CDK5RAP2: variants seen among roughly 807,000 people sequenced by gnomAD.
CDK5RAP2 encodes CDK5 regulatory subunit-associated protein 2.
Under a neutral mutation model 232.9 loss-of-function variants are expected in CDK5RAP2, and 147 were observed. That is an observed-to-expected ratio of 0.63 (90% confidence interval 0.55 to 0.72). The LOEUF is 0.72. CDK5RAP2 is among the 30% of genes least tolerant of loss of function. The pLI, the probability that CDK5RAP2 is intolerant of heterozygous loss-of-function variation, is 0.00. For missense variants in CDK5RAP2, 2,195 were observed against 2,231.5 expected (o/e 0.98, Z 0.33); for synonymous variants, 833 against 833.7 (o/e 1.00, Z 0.01).
chr9:120,448,015 A>T lies in CDK5RAP2; in HGVS notation c.2905T>A (p.Leu969Met). 6.2e-7 allele frequency: 1 copy of T among 1,613,968 alleles called. No homozygotes were observed. Among genetic ancestry groups the T allele is most frequent in the Middle Eastern group, 1.6e-4 (1 of 6,062 alleles). ...EVVTQLQSQI[L>M]ELQGELKEFK... ...TCCTTCAGCTCCCCCTGCAGCTCCA[A>T]GATCTGGCTCTGCAGCTGCGTCACC... Residue 969 changes from leucine (L) to methionine (M), a missense_variant, in exon 22 of 38, where the codon TTG (leucine) becomes ATG (methionine). Coordinates refer to ENST00000349780, the MANE Select transcript of CDK5RAP2 (RefSeq NM_018249.6).
At chr9:120,561,491 G>A (rs1056281042) in intron 3 of CDK5RAP2, among the ~76,000 whole-genome samples, 5 of 151,760 alleles carry the variant, frequency 3.3e-5, no homozygotes, top group African/African-American at 1.2e-4. Context: ...GTAGAAATGG[G>A]GTCTCACTTT....
intron 4 of CDK5RAP2, 43 bp downstream of exon 4, chr9:120,550,749 G>A: frequency 9.2e-7 from 1 of 1,083,938 alleles, no homozygotes; most frequent in Non-Finnish European, 1.4e-6. Context: ...AAATGACAAT[G>A]AGAAAGGACA....
intron 5 of CDK5RAP2, 150 bp from the exon 6 acceptor site, chr9:120,539,314 A>G: frequency 1.0e-6 from 1 of 985,082 alleles, no homozygotes; most frequent in Non-Finnish European, 1.5e-6. Flanking sequence ...TTATCATTTA[A>G]AAACACAGAT....
chr9:120,434,305 C>G (rs2035448540), intron 25 of CDK5RAP2, among the ~76,000 whole-genome samples: 1 of 152,096 alleles, frequency 6.6e-6, no homozygotes, highest in Non-Finnish European at 1.5e-5. Context: ...GCTAGAAAAA[C>G]TGCAGGGTCA....
At chr9:120,482,663 C>G (rs1358499690) in intron 14 of CDK5RAP2, among the ~76,000 whole-genome samples, 2 of 152,208 alleles carry the variant, frequency 1.3e-5, no homozygotes, top group African/African-American at 2.4e-5. Context: ...TCCTGGCAAG[C>G]AGCAGTGTCC....
At chr9:120,519,827 T>A (rs1588550805) in intron 11 of CDK5RAP2, among the ~76,000 whole-genome samples, 1 of 152,216 alleles carries the variant, frequency 6.6e-6, no homozygotes, top group African/African-American at 2.4e-5. Context: ...AGAGATTCTC[T>A]CTGTTATTTA....
chr9:120,491,381 T>C lies in CDK5RAP2; in HGVS notation c.1408A>G (p.Lys470Glu), dbSNP rs751318546. The C allele has an allele frequency of 6.2e-7, 1 of 1,612,926 alleles. No individual in the cohort carries two copies. Among genetic ancestry groups the C allele is most frequent in the South Asian group, 1.1e-5 (1 of 91,014 alleles). ...RYKSLLSESN[K>E]KLHNQEQVIK... is the part of the protein sequence containing the mutation. Reference sequence around the variant, plus strand: ...ACTTGCTCTTGATTGTGCAATTTTTTATTGCTTTCACTCAGAAGACTCTTG... The same window carrying C: ...ACTTGCTCTTGATTGTGCAATTTTTCATTGCTTTCACTCAGAAGACTCTTG... Residue 470 changes from lysine to glutamate, a missense_variant, in exon 13 of 38, where the codon AAA becomes GAA. Lys to Glu is a moderately conservative substitution (Grantham distance 56, BLOSUM62 1). Transcript: ENST00000349780.
chr9:120,408,619 A>C, intron 30 of CDK5RAP2, 151 bp from the exon 31 acceptor site: 2 of 882,428 alleles, frequency 2.3e-6, no homozygotes, highest in Non-Finnish European at 3.6e-6. Context: ...TGTGCTCTCT[A>C]ATCCTAATTC....
rs150918766 is a variant in CDK5RAP2 at position 120,464,131 on chromosome 9, C to T, written c.2107-3464G>A. ...TTTCTTTCTTGCTTCTCAGAGTGTT[C>T]GACACTATGAAACACTCCCTCCTTG... is the stretch of plus-strand genomic sequence containing the variant. On this transcript the variant is annotated intron_variant, in intron 18 of 37. Coordinates refer to ENST00000349780, the MANE Select transcript of CDK5RAP2 (RefSeq NM_018249.6). Among the ~76,000 whole-genome samples the T allele has an allele frequency of 2.7e-3, 409 of 152,240 alleles. 4 individuals carry two copies. The highest frequency in any genetic ancestry group is 9.3e-3 in the African/African-American group (385 of 41,542).
chr9:120,437,265 C>A, intron 25 of CDK5RAP2, 30 bp downstream of exon 25: 1 of 1,517,500 alleles, frequency 6.6e-7, no homozygotes, highest in South Asian at 1.2e-5. Context: ...TTACTGATGT[C>A]TTAAGACTCG....
intron 2 of CDK5RAP2, among the ~76,000 whole-genome samples, chr9:120,570,621 C>A (rs922418853): frequency 6.6e-5 from 10 of 152,082 alleles, no homozygotes; most frequent in Admixed American, 1.3e-4. Context: ...GGGTGGATCA[C>A]CTGAGGTCAG....
rs552409347 is a variant in CDK5RAP2 at position 120,577,998 on chromosome 9, G to A, written c.59+1922C>T. Among the ~76,000 whole-genome samples the A allele has an allele frequency of 5.3e-5, 8 of 152,316 alleles. No homozygotes were observed. In the South Asian group the frequency reaches 6.2e-4, roughly 12 times the overall value. On this transcript the variant is annotated intron_variant, in intron 1 of 37. Transcript: ENST00000349780. The stretch of plus-strand genomic sequence containing the variant: ...AAAAAATAGTTCTCACGCCGGGCGC[G>A]GTGGCTCACGCCTGTAATCCCAGAA...
chr9:120,520,361 G>C (rs1201575462), intron 11 of CDK5RAP2, among the ~76,000 whole-genome samples: 1 of 152,038 alleles, frequency 6.6e-6, no homozygotes, highest in African/African-American at 2.4e-5. Context: ...TGATACTCAG[G>C]CTGGGCGTGA....
intron 25 of CDK5RAP2, among the ~76,000 whole-genome samples, chr9:120,423,675 T>G (rs2034706748): frequency 6.6e-6 from 1 of 152,212 alleles, no homozygotes; most frequent in Non-Finnish European, 1.5e-5. Flanking sequence ...GATGAGCTCT[T>G]TGAAGACACT....
At chr9:120,446,734 C>A (rs567630672) in intron 22 of CDK5RAP2, among the ~76,000 whole-genome samples, 2 of 152,178 alleles carry the variant, frequency 1.3e-5, no homozygotes, top group African/African-American at 4.8e-5. Context: ...TACTATTCAT[C>A]CATCTTCCCC....
intron 23 of CDK5RAP2, chr9:120,440,457 C>A: frequency 5.5e-6 from 1 of 182,904 alleles, no homozygotes; most frequent in Non-Finnish European, 1.2e-5. Context: ...ACCTTCAGCC[C>A]TCTATTCTAC....
chr9:120,471,427 G>A lies in CDK5RAP2; in HGVS notation c.1858+321C>T, dbSNP rs112202333. 0.03 allele frequency among the ~76,000 whole-genome samples: 4,539 copies of A among 152,210 alleles called. 116 individuals are homozygous for A. The highest frequency in any genetic ancestry group is 0.058 in the Middle Eastern group (17 of 294). On this transcript the variant is annotated intron_variant, in intron 16 of 37. Coordinates refer to ENST00000349780, the MANE Select transcript of CDK5RAP2 (RefSeq NM_018249.6). Reference sequence around the variant, plus strand: ...GTGGTAGGCAGTACTCAGATGTTCCGGGCAGTGAGGGCTGCAATTCCCCAA... The same window carrying A: ...GTGGTAGGCAGTACTCAGATGTTCCAGGCAGTGAGGGCTGCAATTCCCCAA...
chr9:120,455,370 TAAAAAAAAAAAA>T (rs77949035), intron 20 of CDK5RAP2, among the ~76,000 whole-genome samples: 3 of 94,180 alleles, frequency 3.2e-5, no homozygotes, highest in African/African-American at 1.1e-4. Context: ...TACAACACGT[TAAAAAAAAAAAA>T]AAAAAAAACG....
intron 7 of CDK5RAP2, among the ~76,000 whole-genome samples, chr9:120,531,447 A>T (rs1239716935): frequency 6.6e-6 from 1 of 152,038 alleles, no homozygotes; most frequent in East Asian, 1.9e-4. Context: ...TCCCATATCA[A>T]CTGCCCCTTG....
Sources: gnomAD v4.1 joint callset for allele counts (sites outside exome capture counted in the v4.1 genomes callset) on GRCh38, gnomAD v4.1.1 for gene constraint, MANE v1.5 for transcripts, NCBI Gene and HGNC (gene_info 2026-07-23, HGNC 2026-07-21) for gene names.